TCERG1L: variants seen among roughly 807,000 people sequenced by gnomAD.
The protein encoded by TCERG1L is transcription elongation regulator 1-like protein.
Under a neutral mutation model 56.3 loss-of-function variants are expected in TCERG1L, and 37 were observed. The ratio of observed to expected loss-of-function variants is 0.66; its 90% CI spans 0.51 to 0.87. The LOEUF (loss-of-function observed/expected upper bound fraction) is 0.87. TCERG1L is among the 40% of genes least tolerant of loss of function. The probability of loss-of-function intolerance (pLI) is 0.00; values close to 1 mark genes in which losing one functional copy is unlikely to be tolerated. For synonymous variants in TCERG1L, 324 were observed against 326.3 expected (o/e 0.99, Z 0.08); for missense variants, 799 against 774.2 (o/e 1.03, Z -0.38).
intron 4 of TCERG1L, among the ~76,000 whole-genome samples, chr10:131,167,696 C>T (rs1824796751): frequency 6.6e-6 from 1 of 152,306 alleles, no homozygotes; most frequent in African/African-American, 2.4e-5. Flanking sequence ...CGCCAGTGAC[C>T]GTGGCTTACT....
intron 8 of TCERG1L, among the ~76,000 whole-genome samples, chr10:131,127,747 C>T (rs566224103): frequency 2.0e-5 from 3 of 152,264 alleles, no homozygotes; most frequent in Admixed American, 6.5e-5. Flanking sequence ...CCCAAAGACA[C>T]AGCCCGTGTC....
intron 6 of TCERG1L, among the ~76,000 whole-genome samples, chr10:131,147,385 C>A (rs1265751237): frequency 2.6e-5 from 4 of 152,180 alleles, no homozygotes. Context: ...CTAAGGAATG[C>A]GGGTCCGGGA....
rs116760859 is a variant in TCERG1L, at chr10:131,109,989, G to A, written c.1396-5635C>T. 5.5e-3 allele frequency among the ~76,000 whole-genome samples: 844 copies of A among 152,322 alleles called. 7 individuals carry two copies. The highest frequency in any genetic ancestry group is 0.019 in the African/African-American group (784 of 41,574). The stretch of plus-strand genomic sequence containing the variant: ...AAGCATCACTCTGCAGATAGTGGCC[G>A]GCTGGCAGCAGGTGTCCTTGACTGC... On this transcript the variant is annotated intron_variant, in intron 9 of 11. Coordinates refer to ENST00000368642, the MANE Select transcript of TCERG1L (RefSeq NM_174937.4).
intron 4 of TCERG1L, among the ~76,000 whole-genome samples, chr10:131,219,257 G>A (rs767649359): frequency 1.3e-5 from 2 of 152,324 alleles, no homozygotes; most frequent in African/African-American, 2.4e-5. Context: ...AGGCCAATTC[G>A]GGAGCCTCTG....
In TCERG1L at chr10:131,223,268, G is replaced by A. The variant is rs376858971; in HGVS notation, c.856+36991C>T. On this transcript the variant is annotated intron_variant, in intron 4 of 11. Coordinates refer to ENST00000368642, the MANE Select transcript of TCERG1L (RefSeq NM_174937.4). ...CTCTTCCTCGGCCCCCGGGGCAAAC[G>A]GCAAGCCCAGCCGTGTCCCCACCCT... Among the ~76,000 whole-genome samples, 7 of 152,298 alleles carry A rather than the reference G, an allele frequency of 4.6e-5. No homozygotes were observed. The South Asian group carries it at 6.2e-4, about 14-fold the overall frequency.
rs1845197496 is a variant in TCERG1L at position 131,093,074 on chromosome 10, C to T, written c.*88G>A. 6.8e-7 allele frequency: 1 copy of T among 1,479,650 alleles called. No individual in the cohort carries two copies. Among genetic ancestry groups the T allele is most frequent in the African/African-American group, 1.4e-5 (1 of 71,070 alleles). 91.7% of individuals were successfully genotyped at this position (1,479,650 alleles called of 1,614,324 possible). ...GCTGGGCCGTGCAGGTCTCGGCCGCCCCACGCCCGTGTCCGTCTCCACCGT... is the reference window on the plus strand; with the variant it reads ...GCTGGGCCGTGCAGGTCTCGGCCGCTCCACGCCCGTGTCCGTCTCCACCGT... On this transcript the variant is annotated 3_prime_UTR_variant, in exon 12 of 12. Transcript: ENST00000368642.
At chr10:131,152,933 G>C (rs1845881122) in intron 6 of TCERG1L, among the ~76,000 whole-genome samples, 1 of 152,178 alleles carries the variant, frequency 6.6e-6, no homozygotes, top group Non-Finnish European at 1.5e-5. Context: ...CAGGAGAACA[G>C]CATGGGGGAA....
chr10:131,281,909 G>A (rs529327490), intron 3 of TCERG1L, among the ~76,000 whole-genome samples: 12 of 152,196 alleles, frequency 7.9e-5, no homozygotes, highest in Admixed American at 7.8e-4. Flanking sequence ...GGCCGAGGCT[G>A]GCGGATCACG....
intron 4 of TCERG1L, among the ~76,000 whole-genome samples, chr10:131,227,708 G>A (rs1845807657): frequency 6.6e-6 from 1 of 151,642 alleles, no homozygotes; most frequent in Non-Finnish European, 1.5e-5. Context: ...AGATGAATGA[G>A]TTACGGACAT....
At chr10:131,282,607 T>C (rs1846473056) in intron 3 of TCERG1L, among the ~76,000 whole-genome samples, 1 of 151,900 alleles carries the variant, frequency 6.6e-6, no homozygotes. Context: ...TGGAAGCAGG[T>C]TTTAAAAATA....
At chr10:131,179,508 C>T (rs913582007) in intron 4 of TCERG1L, among the ~76,000 whole-genome samples, 1 of 152,134 alleles carries the variant, frequency 6.6e-6, no homozygotes, top group African/African-American at 2.4e-5. Context: ...GCCCTCGGTC[C>T]ACCCTCGGGC....
chr10:131,163,354 C>T (rs1589733226), intron 5 of TCERG1L, 144 bp from the exon 6 acceptor site: 1 of 638,808 alleles, frequency 1.6e-6, no homozygotes. Context: ...CACGGCAGCG[C>T]CTGGCTGGGA....
intron 3 of TCERG1L, among the ~76,000 whole-genome samples, chr10:131,282,658 C>A (rs1030461341): frequency 6.6e-6 from 1 of 152,170 alleles, no homozygotes; most frequent in Admixed American, 6.5e-5. Context: ...AGCACATATA[C>A]CAGTACATGC....
At position 131,231,308 on chromosome 10, in the gene TCERG1L, A is replaced by G. The variant is rs1257538261; in HGVS notation, c.856+28951T>C. 2.0e-5 allele frequency among the ~76,000 whole-genome samples: 3 copies of G among 152,200 alleles called. No individual in the cohort carries two copies. In the East Asian group the frequency reaches 5.8e-4, roughly 29 times the overall value. On this transcript the variant is annotated intron_variant, in intron 4 of 11. Transcript: ENST00000368642. ...CATAGAGCTACGCCATTGGAAAATGAGCACAACTGACTCAGTCACGAGTGA... is the reference window on the plus strand; with the variant it reads ...CATAGAGCTACGCCATTGGAAAATGGGCACAACTGACTCAGTCACGAGTGA...
At chr10:131,194,250 G>A (rs1272667214) in intron 4 of TCERG1L, among the ~76,000 whole-genome samples, 1 of 152,242 alleles carries the variant, frequency 6.6e-6, no homozygotes, top group African/African-American at 2.4e-5. Flanking sequence ...GAGTGAGTGA[G>A]GGAACAAACA....
intron 3 of TCERG1L, among the ~76,000 whole-genome samples, chr10:131,303,185 C>T (rs2133584097): frequency 6.6e-6 from 1 of 152,132 alleles, no homozygotes. Flanking sequence ...GGTTCTAGAT[C>T]CTTGAGGAAT....
chr10:131,265,287 CTTT>C (rs1241931941), intron 3 of TCERG1L, among the ~76,000 whole-genome samples: 5 of 152,180 alleles, frequency 3.3e-5, no homozygotes, highest in Non-Finnish European at 1.5e-5. Flanking sequence ...TTATCTGTCT[CTTT>C]AAGAAAAATA....
chr10:131,283,684 T>G (rs1564833442), intron 3 of TCERG1L, among the ~76,000 whole-genome samples: 1 of 152,132 alleles, frequency 6.6e-6, no homozygotes, highest in African/African-American at 2.4e-5. Flanking sequence ...ACGAAGATGA[T>G]GAAATTTCTA....
At chr10:131,228,303 AG>A in intron 4 of TCERG1L, among the ~76,000 whole-genome samples, 1 of 57,514 alleles carries the variant, frequency 1.7e-5, no homozygotes, top group Non-Finnish European at 3.7e-5. Flanking sequence ...CATTTCCTCA[AG>A]GCCTCCGGAG....
Sources: allele counts gnomAD v4.1 joint callset (sites outside exome capture counted in the v4.1 genomes callset), GRCh38; gene constraint gnomAD v4.1.1; transcripts MANE v1.5; gene names NCBI Gene and HGNC (gene_info 2026-07-23, HGNC 2026-07-21).